Variants in MYO1C observed in about 807,000 individuals in gnomAD.
MYO1C encodes the protein unconventional myosin-Ic.
In MYO1C, 104 loss-of-function variants were observed where a neutral mutation model predicts 150.8. The observed-to-expected ratio is 0.69, with a 90% CI of 0.59 to 0.81. The LOEUF (loss-of-function observed/expected upper bound fraction) is 0.81. Ranked by LOEUF, MYO1C falls within the 30% of genes least tolerant of loss-of-function variation. The pLI, the probability that MYO1C is intolerant of heterozygous loss-of-function variation, is 0.00. For missense variants in MYO1C, 1,504 were observed against 1,435.0 expected (o/e 1.05, Z -0.78); for synonymous variants, 663 against 579.9 (o/e 1.14, Z -2.06).
At chr17:1,466,728 C>T (rs2074179230) in intron 31 of MYO1C, among the ~76,000 whole-genome samples, 1 of 151,322 alleles carries the variant, frequency 6.6e-6, no homozygotes, top group South Asian at 2.1e-4. Context: ...TGGGTTCAAG[C>T]AATTCTCCCG....
intron 1 of MYO1C, among the ~76,000 whole-genome samples, chr17:1,490,333 TA>T (rs34316938): frequency 0.36 from 51,685 of 143,910 alleles, 9,050 homozygotes; most frequent in Middle Eastern, 0.43. Context: ...CCGTCTCTAC[TA>T]AAAAAAAAAA....
At chr17:1,470,883 G>A (rs1176745773) in intron 21 of MYO1C, 188 bp downstream of exon 21, 1 of 890,278 alleles carries the variant, frequency 1.1e-6, no homozygotes, top group African/African-American at 1.7e-5. Context: ...GTGGGCGTGG[G>A]GCTGGAGCTG....
chr17:1,489,901 G>A (rs915897569), intron 1 of MYO1C, among the ~76,000 whole-genome samples: 2 of 151,938 alleles, frequency 1.3e-5, no homozygotes, highest in Non-Finnish European at 2.9e-5. Flanking sequence ...TTAGCAGGGT[G>A]TGGTGGCACA....
In MYO1C at chr17:1,483,021, G is replaced by A. The variant is rs145849337; in HGVS notation, c.386C>T (p.Thr129Met). The change falls in exon 4 of 32, where the codon ACG becomes ATG. Residue 129 changes from threonine (T) to methionine (M), a missense_variant. Thr to Met is a moderately conservative substitution (Grantham distance 81). Coordinates refer to ENST00000648651, the MANE Select transcript of MYO1C (RefSeq NM_001080779.2). The part of the protein sequence containing the change: ...VADTVYRALR[T>M]ERRDQAVMIS... The stretch of plus-strand genomic sequence containing the variant: ...CATCACAGCCTGGTCCCGACGCTCC[G>A]TGCGCAGTGCTCGGTACACAGTGTC... 102 of 1,611,494 alleles carry A rather than the reference G, an allele frequency of 6.3e-5. No individual in the cohort carries two copies. In the African/African-American group the frequency reaches 9.1e-4, roughly 14 times the overall value.
intron 1 of MYO1C, chr17:1,491,592 G>A (rs2074735458): frequency 2.0e-6 from 2 of 980,232 alleles, no homozygotes; most frequent in Non-Finnish European, 2.4e-6. Flanking sequence ...CGCGCCCCGA[G>A]TACCCACCGG....
At position 1,467,534 on chromosome 17, in the gene MYO1C, G is replaced by A. The variant is rs751474562; in HGVS notation, c.3011C>T (p.Thr1004Ile). ...GCGGTTGGCACTGAGGGCTGTCTTGGTCAGCGTCTCAATCACGTGGTCACT... is the reference window on the plus strand; with the variant it reads ...GCGGTTGGCACTGAGGGCTGTCTTGATCAGCGTCTCAATCACGTGGTCACT... ...LQSDHVIETL[T>I]KTALSANRVN... Residue 1004 changes from threonine (T) to isoleucine (I), a missense_variant, in exon 30 of 32, where the codon ACC becomes ATC. Physicochemically the swap from Thr to Ile is moderately conservative, Grantham distance 89. Coordinates refer to ENST00000648651, the MANE Select transcript of MYO1C (RefSeq NM_001080779.2). 12 of 1,613,498 alleles carry A rather than the reference G, an allele frequency of 7.4e-6. No individual in the cohort carries two copies. The East Asian group carries it at 2.7e-4, about 36-fold the overall frequency.
chr17:1,473,430 G>A (rs555280109), intron 17 of MYO1C, among the ~76,000 whole-genome samples: 2 of 152,228 alleles, frequency 1.3e-5, no homozygotes, highest in African/African-American at 4.8e-5. Flanking sequence ...GCAGGGAGAC[G>A]CTAGGGCCGG....
At chr17:1,474,515 C>A in intron 17 of MYO1C, 95 bp downstream of exon 17, 1 of 1,296,202 alleles carries the variant, frequency 7.7e-7, no homozygotes. Flanking sequence ...GGCTCACACG[C>A]GTTCACACGC....
In MYO1C at chr17:1,468,112, A is replaced by G; in HGVS notation, c.2772T>C (p.Pro924=). The part of the protein sequence containing the change: ...LGSEPIQYAV[P]VVKYDRKGYK... Reference sequence around the variant, plus strand: ...AGCCCTTGCGGTCGTATTTCACAACAGGCACCGCATACTGGGGACAGAGGC... The same window carrying G: ...AGCCCTTGCGGTCGTATTTCACAACGGGCACCGCATACTGGGGACAGAGGC... Residue 924 remains proline, a synonymous_variant, in exon 28 of 32, where the codon CCT becomes CCC. Transcript: ENST00000648651. 1 of 1,613,512 alleles carries G rather than the reference A, an allele frequency of 6.2e-7. No individual in the cohort carries two copies. The highest frequency in any genetic ancestry group is 8.5e-7 in the Non-Finnish European group (1 of 1,179,996).
chr17:1,470,930 G>A, intron 21 of MYO1C, 141 bp downstream of exon 21: 1 of 1,049,832 alleles, frequency 9.5e-7, no homozygotes, highest in Non-Finnish European at 1.4e-6. Flanking sequence ...TGGACTCTCT[G>A]GAGAAGGACT....
intron 1 of MYO1C, among the ~76,000 whole-genome samples, chr17:1,489,913 G>A (rs971664069): frequency 2.6e-5 from 4 of 151,212 alleles, no homozygotes; most frequent in Admixed American, 2.0e-4. Context: ...GGTGGCACAC[G>A]CTTGTAATCC....
At chr17:1,483,085 T>C (rs1472591623) in intron 3 of MYO1C, 26 bp from the exon 4 acceptor site, 9 of 1,569,078 alleles carry the variant, frequency 5.7e-6, no homozygotes, top group Non-Finnish European at 7.8e-6. Flanking sequence ...GTCAGGGAGT[T>C]TGGGGAGGGG....
Position 1,472,238 on chromosome 17 carries a change from CAA to C in MYO1C, c.1798-12_1798-11del, listed in dbSNP as rs748054418. 2.5e-6 allele frequency: 4 copies of C among 1,613,470 alleles called. No individual in the cohort carries two copies. The South Asian group carries it at 4.4e-5, about 18-fold the overall frequency. ...TGAACTGGGTGGCGACCTGGCGAGC[CAA>C]GAGGCATGGGAGGTTGGCCGGAGCT... is the stretch of plus-strand genomic sequence containing the variant. On this transcript the variant is annotated splice_polypyrimidine_tract_variant and intron_variant, in intron 17 of 31. Transcript: ENST00000648651.
chr17:1,466,786 C>G (rs2150926917), intron 31 of MYO1C, among the ~76,000 whole-genome samples: 1 of 152,026 alleles, frequency 6.6e-6, no homozygotes, highest in African/African-American at 2.4e-5. Context: ...ACCACCACGC[C>G]CGGCTAATTT....
In MYO1C at chr17:1,468,455, C is replaced by T; in HGVS notation, c.2652G>A (p.Lys884=). The part of the protein sequence containing the change: ...KAVASEIFKG[K]KDNYPQSVPR... ...GTACACTCTGAGGGTAATTATCCTT[C>T]TTGCCCTTGAAGATCTCACTAGCCA... is the stretch of plus-strand genomic sequence containing the variant. The change falls in exon 26 of 32, where the codon AAG becomes AAA. Residue 884 remains lysine, a synonymous_variant. Transcript: ENST00000648651. 2.5e-6 allele frequency: 4 copies of T among 1,614,016 alleles called. No individual in the cohort carries two copies. Among genetic ancestry groups the T allele is most frequent in the Non-Finnish European group, 3.4e-6 (4 of 1,179,976 alleles).
At position 1,472,148 on chromosome 17, in the gene MYO1C, G is replaced by C; in HGVS notation, c.1878C>G (p.Ile626Met). ...CGGGCTGTTTGGCATCATTGGGTTT[G>C]ATGCAGCGGACGTAGGCGGGCTCCT... ...QSKEPAYVRCIKPNDAKQPGR... is the reference protein window; with the variant it reads ...QSKEPAYVRCMKPNDAKQPGR... Residue 626 changes from isoleucine to methionine, a missense_variant, in exon 18 of 32, where the codon ATC (isoleucine) becomes ATG (methionine). Physicochemically the swap from Ile to Met is conservative, Grantham distance 10. Coordinates refer to ENST00000648651, the MANE Select transcript of MYO1C (RefSeq NM_001080779.2). 6.2e-7 allele frequency: 1 copy of C among 1,614,142 alleles called. No homozygotes were observed. The highest frequency in any genetic ancestry group is 8.5e-7 in the Non-Finnish European group (1 of 1,179,996).
At chr17:1,484,720 T>G in intron 1 of MYO1C, 1 of 368,792 alleles carries the variant, frequency 2.7e-6, no homozygotes, top group Non-Finnish European at 5.3e-6. Flanking sequence ...CTTGGACCAA[T>G]CCCCTCCTCT....
intron 1 of MYO1C, chr17:1,491,649 G>C (rs1039705218): frequency 1.2e-4 from 114 of 980,748 alleles, no homozygotes; most frequent in Non-Finnish European, 1.3e-4. Context: ...GGCGTGGCGG[G>C]CTTGGGGATC....
chr17:1,467,588 A>G lies in MYO1C; in HGVS notation c.2968-11T>C. The G allele has an allele frequency of 6.2e-7, 1 of 1,611,522 alleles. No individual in the cohort carries two copies. Among genetic ancestry groups the G allele is most frequent in the Non-Finnish European group, 8.5e-7 (1 of 1,179,562 alleles). On this transcript the variant is annotated splice_polypyrimidine_tract_variant and intron_variant, in intron 29 of 31. Coordinates refer to ENST00000648651, the MANE Select transcript of MYO1C (RefSeq NM_001080779.2). ...CAGCACCACATCTCCCTGGGGGGCC[A>G]GGCAGGAGGAGGGGTCAGGCCCTGC... is the stretch of plus-strand genomic sequence containing the variant.
Sources: gnomAD v4.1 joint callset for allele counts (sites outside exome capture counted in the v4.1 genomes callset) on GRCh38, gnomAD v4.1.1 for gene constraint, MANE v1.5 for transcripts, NCBI Gene and HGNC (gene_info 2026-07-23, HGNC 2026-07-21) for gene names.